POLE: variants seen among roughly 807,000 people sequenced by gnomAD.
POLE encodes DNA polymerase epsilon, catalytic subunit.
Under a neutral mutation model 279.2 loss-of-function variants are expected in POLE, and 188 were observed. That is an observed-to-expected ratio of 0.67 (90% CI 0.60 to 0.76). POLE has a LOEUF of 0.76. Among genes scored for constraint, POLE ranks in the 30% least tolerant of loss-of-function variants. The probability of loss-of-function intolerance (pLI) is 0.00; values close to 1 mark genes in which losing one functional copy is unlikely to be tolerated. For missense variants in POLE, 2,703 were observed against 3,016.7 expected (o/e 0.90, Z 2.44); for synonymous variants, 1,214 against 1,172.5 (o/e 1.04, Z -0.72).
intron 39 of POLE, chr12:132,641,369 C>A (rs1041423138): frequency 6.0e-6 from 3 of 502,440 alleles, no homozygotes; most frequent in African/African-American, 5.8e-5. Flanking sequence ...CCTTTGGTCA[C>A]ATCGAAAAGT....
rs779496994 is a variant in POLE at position 132,659,521 on chromosome 12, C to G, written c.3061-12G>C. 3.7e-6 allele frequency: 6 copies of G among 1,610,892 alleles called. No homozygotes were observed. The highest frequency in any genetic ancestry group is 2.2e-5 in the South Asian group (2 of 90,984). ...GGCATGTTGGCTGCCTAGAGAAAGACAATGGGTAAAACACTGCAGAAATCA... is the reference window on the plus strand; with the variant it reads ...GGCATGTTGGCTGCCTAGAGAAAGAGAATGGGTAAAACACTGCAGAAATCA... On this transcript the variant is annotated splice_polypyrimidine_tract_variant and intron_variant, in intron 25 of 48. Coordinates refer to ENST00000320574, the MANE Select transcript of POLE (RefSeq NM_006231.4).
rs1555222498 is a variant in POLE, at chr12:132,642,325, G to A, written c.5025C>T (p.Arg1675=). 1.3e-6 allele frequency: 2 copies of A among 1,598,012 alleles called. No individual in the cohort carries two copies. The highest frequency in any genetic ancestry group is 2.7e-5 in the African/African-American group (2 of 74,554). ...STFGSDLFFA[R]HLQRHNHLLW... is the part of the protein sequence containing the mutation. ...GCAGGTGGTTGTGGCGCTGGAGGTG[G>A]CGGGCAAAGAAGAGGTCGGAGCCGA... The change falls in exon 38 of 49, where the codon CGC becomes CGT. Residue 1675 remains arginine, a synonymous_variant. Coordinates refer to ENST00000320574, the MANE Select transcript of POLE (RefSeq NM_006231.4).
At chr12:132,686,498 G>A (rs901360122) in intron 1 of POLE, among the ~76,000 whole-genome samples, 1 of 152,108 alleles carries the variant, frequency 6.6e-6, no homozygotes, top group Non-Finnish European at 1.5e-5. Flanking sequence ...ACTTTGGAAG[G>A]CCGAGGCGGG....
At chr12:132,628,876 A>C (rs980507508) in intron 45 of POLE, among the ~76,000 whole-genome samples, 2 of 152,146 alleles carry the variant, frequency 1.3e-5, no homozygotes, top group African/African-American at 2.4e-5. Flanking sequence ...TGAGGGTCAG[A>C]ATCAACTTCT....
At chr12:132,657,816 G>T in intron 27 of POLE, 52 bp downstream of exon 27, 3 of 1,256,368 alleles carry the variant, frequency 2.4e-6, no homozygotes, top group Non-Finnish European at 3.5e-6. Context: ...ATTCTGCTCT[G>T]TCTAGCTTTC....
rs141954509 is a variant in POLE at position 132,626,256 on chromosome 12, C to A, written c.6392G>T (p.Arg2131Leu). The A allele has an allele frequency of 6.2e-7, 1 of 1,613,920 alleles. No homozygotes were observed. The highest frequency in any genetic ancestry group is 8.5e-7 in the Non-Finnish European group (1 of 1,180,036). ...QVNKLNRDLL[R>L]LVDVGEFSEE... The stretch of plus-strand genomic sequence containing the variant: ...GGAGAACTCGCCGACATCCACCAGG[C>A]GAAGCAGGTCTCGGTTCAGCTTATT... The change falls in exon 46 of 49, where the codon CGC becomes CTC. Residue 2131 changes from arginine to leucine, a missense_variant. Physicochemically the swap from Arg to Leu is moderately radical, Grantham distance 102 (BLOSUM62 -2). This residue lies in a region of POLE where 1,551 missense variants were observed against 1,686.1 expected (regional missense o/e 0.92). Transcript: ENST00000320574.
chr12:132,680,653 C>T lies in POLE; in HGVS notation c.239G>A (p.Ser80Asn), dbSNP rs1064795406. The T allele has an allele frequency of 1.2e-6, 2 of 1,613,960 alleles. No individual in the cohort carries two copies. The highest frequency in any genetic ancestry group is 8.5e-7 in the Non-Finnish European group (1 of 1,179,922). The change falls in exon 3 of 49, where the codon AGT becomes AAT. Residue 80 changes from serine to asparagine, a missense_variant. This residue lies in a region of POLE where 1,011 missense variants were observed against 1,111.7 expected (regional missense o/e 0.91). Coordinates refer to ENST00000320574, the MANE Select transcript of POLE (RefSeq NM_006231.4). ...EILDEDKRLG[S>N]AVDYYFIQDD... is the part of the protein sequence containing the mutation. Reference sequence around the variant, plus strand: ...TTGAATAAAGTAGTAATCCACTGCACTGCCTAAGCGCTTATCTTCATCTAA... The same window carrying T: ...TTGAATAAAGTAGTAATCCACTGCATTGCCTAAGCGCTTATCTTCATCTAA...
chr12:132,632,776 G>C lies in POLE; in HGVS notation c.6024C>G (p.Tyr2008Ter). ...GCCTCAGCCCGTCCTTCATGCAGTG[G>C]TACACGGCCACGATGTACGCTGTGG... ...MIVSAYIVAV[Y>*]HCMKDGLRRS... Residue 2008 changes from tyrosine (Y) to a stop codon, truncating the protein, a stop_gained, in exon 44 of 49, where the codon TAC becomes TAG. Transcript: ENST00000320574. LOFTEE classifies it high-confidence loss of function. The C allele has an allele frequency of 1.2e-6, 2 of 1,610,218 alleles. No homozygotes were observed. The highest frequency in any genetic ancestry group is 1.1e-5 in the South Asian group (1 of 91,004).
intron 48 of POLE, 43 bp from the exon 49 acceptor site, chr12:132,624,853 A>AGAGGAGGCC (rs750363700): frequency 6.4e-7 from 1 of 1,555,796 alleles, no homozygotes; most frequent in South Asian, 1.1e-5. Context: ...GTCCACTCAG[A>AGAGGAGGCC]GAGGAGGCCA....
intron 8 of POLE, 87 bp from the exon 9 acceptor site, chr12:132,676,740 C>T (rs2043064427): frequency 3.8e-6 from 3 of 799,732 alleles, no homozygotes; most frequent in African/African-American, 1.7e-5. Flanking sequence ...CTCTACCTCC[C>T]TCTGGTTGTT....
intron 32 of POLE, among the ~76,000 whole-genome samples, chr12:132,645,109 G>A (rs2042250050): frequency 1.4e-5 from 1 of 73,650 alleles, no homozygotes; most frequent in Non-Finnish European, 2.9e-5. Flanking sequence ...TCCCTGTGTG[G>A]GGTCCTGGGG....
chr12:132,645,467 G>A (rs1055889747), intron 32 of POLE, among the ~76,000 whole-genome samples: 6 of 152,142 alleles, frequency 3.9e-5, no homozygotes, highest in African/African-American at 1.4e-4. Context: ...GGCTCACTAC[G>A]AGCTGCACTT....
In POLE at chr12:132,676,135, C is replaced by T. The variant is rs772154998; in HGVS notation, c.979G>A (p.Glu327Lys). Reference protein sequence around the residue: ...IEDFEFTPKPEYEGPFCVFNE... With the variant: ...IEDFEFTPKPKYEGPFCVFNE... ...AAGACACAAAAGGGGCCTTCATATT[C>T]TGGCTTGGGGGTGAACTCAAAATCT... Residue 327 changes from glutamate to lysine, a missense_variant, in exon 10 of 49, where the codon GAA (glutamate) becomes AAA (lysine). Physicochemically the swap from Glu to Lys is moderately conservative, Grantham distance 56. Transcript: ENST00000320574. 2 of 1,612,488 alleles carry T rather than the reference C, an allele frequency of 1.2e-6. No individual in the cohort carries two copies. The highest frequency in any genetic ancestry group is 1.7e-6 in the Non-Finnish European group (2 of 1,179,498).
intron 27 of POLE, 23 bp downstream of exon 27, chr12:132,657,845 T>G (rs767076059): frequency 2.0e-6 from 3 of 1,483,286 alleles, no homozygotes; most frequent in Non-Finnish European, 2.8e-6. Context: ...CTTTTAAGAG[T>G]AGAGAACGCA....
chr12:132,639,136 CTTCT>C lies in POLE; in HGVS notation c.5537_5540del (p.Lys1846SerfsTer57). 1 of 1,614,072 alleles carries C rather than the reference CTTCT, an allele frequency of 6.2e-7. No homozygotes were observed. The highest frequency in any genetic ancestry group is 8.5e-7 in the Non-Finnish European group (1 of 1,179,942). ...GGAGGAGCACTCACTGCAGGAAGAG[CTTCT>C]TCATCATGTTGTGGAGTGTGCGGTG... On this transcript the variant is annotated frameshift_variant, in exon 40 of 49. Transcript: ENST00000320574. LOFTEE classifies it high-confidence loss of function. The surrounding 1 kb of genome is among the most constrained non-coding windows in gnomAD (Gnocchi z 4.7).
In POLE at chr12:132,639,355, G is replaced by C. The variant is rs1472877389; in HGVS notation, c.5379-57C>G. 6.5e-7 allele frequency: 1 copy of C among 1,544,428 alleles called. No homozygotes were observed. The highest frequency in any genetic ancestry group is 8.9e-7 in the Non-Finnish European group (1 of 1,126,720). On this transcript the variant is annotated intron_variant, in intron 39 of 48. Coordinates refer to ENST00000320574, the MANE Select transcript of POLE (RefSeq NM_006231.4). The surrounding 1 kb of genome is among the most constrained non-coding windows in gnomAD (Gnocchi z 4.7). ...CCTCAGCCTCCCACGCTGCTGCCAC[G>C]CGGGACGCTCCAACTGAAATGGGCA...
chr12:132,643,824 G>T lies in POLE; in HGVS notation c.4290+13C>A, dbSNP rs1272899734. 13 of 1,611,424 alleles carry T rather than the reference G, an allele frequency of 8.1e-6. No individual in the cohort carries two copies. Among genetic ancestry groups the T allele is most frequent in the Non-Finnish European group, 1.1e-5 (13 of 1,177,976 alleles). On this transcript the variant is annotated intron_variant, in intron 33 of 48. Transcript: ENST00000320574. ...GCCTCCCCCAGTTCAGTCGAGGGTG[G>T]CTGGGGAGTCACCTGAGTCTCATAT...
intron 39 of POLE, chr12:132,641,028 A>C (rs2042129722): frequency 2.2e-6 from 1 of 456,652 alleles, no homozygotes. Flanking sequence ...CCTTCCATTC[A>C]TTTGTGGTAT....
chr12:132,681,212 T>C lies in POLE; in HGVS notation c.130A>G (p.Met44Val). ...CGCTCAAAACCAAACCGCAAATCCA[T>C]CTTATCCGTCCACTGACTCCGTTCC... ...RLERSQWTDK[M>V]DLRFGFERLK... is the part of the protein sequence containing the mutation. The change falls in exon 2 of 49, where the codon ATG (methionine) becomes GTG (valine). Residue 44 changes from methionine (M) to valine (V), a missense_variant. By Grantham distance (21) the Met-to-Val change is conservative. Around this residue, in one of 5 missense-constraint regions of POLE, gnomAD observed 1,011 missense variants for 1,111.7 expected, o/e 0.91. Coordinates refer to ENST00000320574, the MANE Select transcript of POLE (RefSeq NM_006231.4). The C allele has an allele frequency of 6.2e-7, 1 of 1,614,128 alleles. No homozygotes were observed. The highest frequency in any genetic ancestry group is 8.5e-7 in the Non-Finnish European group (1 of 1,180,030).
Sources: gnomAD v4.1 joint callset for allele counts (sites outside exome capture counted in the v4.1 genomes callset) on GRCh38, gnomAD v4.1.1 for gene constraint, gnomAD v4.1.1 regional missense constraint, Gnocchi (gnomAD v3.1) non-coding constraint, MANE v1.5 for transcripts, NCBI Gene and HGNC (gene_info 2026-07-23, HGNC 2026-07-21) for gene names.